Variants in ZDHHC11 observed in about 807,000 individuals in gnomAD.
ZDHHC11 encodes zDHHC palmitoyltransferase 11.
Under a neutral mutation model 51.3 loss-of-function variants are expected in ZDHHC11, and 44 were observed. The ratio of observed to expected loss-of-function variants is 0.86; its 90% CI spans 0.67 to 1.10. ZDHHC11 has a LOEUF of 1.10. Ranked by LOEUF, ZDHHC11 falls within the 50% of genes least tolerant of loss-of-function variation. ZDHHC11 has a pLI of 0.00. For missense variants in ZDHHC11, 400 were observed against 537.7 expected (o/e 0.74, Z 2.53); for synonymous variants, 163 against 222.0 (o/e 0.73, Z 2.36).
chr5:837,556 A>G lies in ZDHHC11; in HGVS notation c.785-76T>C, dbSNP rs1440801225. On this transcript the variant is annotated intron_variant, in intron 5 of 12. Transcript: ENST00000283441. ...CACGGCGCCCACAGGACAGCTCAGC[A>G]GAGTGGCCAGTGCCACTGATCCGGC... The G allele has an allele frequency of 4.0e-6, 6 of 1,497,988 alleles. No homozygotes were observed. The Middle Eastern group carries it at 5.1e-4, about 126-fold the overall frequency. 92.8% of individuals were successfully genotyped at this position (1,497,988 alleles called of 1,614,324 possible).
chr5:825,499 T>G, intron 7 of ZDHHC11, among the ~76,000 whole-genome samples: 1 of 152,224 alleles, frequency 6.6e-6, no homozygotes, highest in East Asian at 1.9e-4. Context: ...AAGCAGTCCC[T>G]CCACCCACCG....
upstream of ZDHHC11, among the ~76,000 whole-genome samples, chr5:860,421 G>A (rs997793735): frequency 1.3e-5 from 2 of 152,190 alleles, no homozygotes; most frequent in African/African-American, 4.8e-5. This position sits in a 1 kb window ranked among gnomAD's most constrained non-coding sequence, Gnocchi z 4.2. Context: ...CCTGACACCT[G>A]CAGGTATTGT....
Position 842,775 on chromosome 5 carries a change from T to C in ZDHHC11, c.628+825A>G, listed in dbSNP as rs1745230462. ...GCTCTGACGTCCAGCTGCAGGACAG[T>C]TGGGCACGCTGCCTCCGCAGGGTCC... On this transcript the variant is annotated intron_variant, in intron 4 of 12. Coordinates refer to ENST00000283441, the MANE Select transcript of ZDHHC11 (RefSeq NM_024786.3). 1.4e-5 allele frequency: 12 copies of C among 865,876 alleles called. No homozygotes were observed. The South Asian group carries it at 4.2e-4, about 30-fold the overall frequency. The allele number at this position is 865,876 out of a possible 1,614,324, so 53.6% of individuals were successfully genotyped here. A position where few individuals can be genotyped will look rare whatever the true frequency, so the allele number is the denominator to read the frequency against.
chr5:814,839 CTTG>C, intron 10 of ZDHHC11, 44 bp from the exon 11 acceptor site: 1 of 1,489,818 alleles, frequency 6.7e-7, no homozygotes, highest in Non-Finnish European at 9.0e-7. Context: ...GAACAAAGAC[CTTG>C]TTGACATTAA....
intron 7 of ZDHHC11, among the ~76,000 whole-genome samples, chr5:828,869 T>C (rs2059297588): frequency 5.8e-5 from 8 of 136,972 alleles, no homozygotes; most frequent in Admixed American, 4.4e-4. Context: ...TACACAAATA[T>C]GTAGAAATTA....
Position 802,012 on chromosome 5 carries a change from G to A in ZDHHC11, c.1182-848C>T, listed in dbSNP as rs1266236704. 7.9e-5 allele frequency among the ~76,000 whole-genome samples: 12 copies of A among 151,530 alleles called. 1 individual carries two copies. The highest frequency in any genetic ancestry group is 1.3e-4 in the Admixed American group (2 of 15,246). ...GATCAGAAATGATGACTCCTAGAAG[G>A]AAAGGATGCAAATGGGAGCTGATGC... On this transcript the variant is annotated intron_variant, in intron 11 of 12. Transcript: ENST00000283441.
At chr5:801,066 A>G in intron 12 of ZDHHC11, 34 bp downstream of exon 12, 4 of 1,608,534 alleles carry the variant, frequency 2.5e-6, no homozygotes, top group Non-Finnish European at 3.4e-6. Context: ...ACTTGGGTAG[A>G]TTTCAACATG....
chr5:853,249 G>A (rs1747570288), upstream of ZDHHC11, among the ~76,000 whole-genome samples: 3 of 146,710 alleles, frequency 2.0e-5, no homozygotes, highest in South Asian at 6.5e-4. Context: ...ACGGAGGACA[G>A]TGAGCAGCGG....
At chr5:838,602 CG>C (rs1195920461) in intron 5 of ZDHHC11, among the ~76,000 whole-genome samples, 26 of 152,118 alleles carry the variant, frequency 1.7e-4, no homozygotes, top group Admixed American at 3.3e-4. Context: ...CTCTGGGTCA[CG>C]GGGGTGGGGA....
chr5:828,027 C>G (rs1229776298), intron 7 of ZDHHC11, among the ~76,000 whole-genome samples: 1 of 151,284 alleles, frequency 6.6e-6, no homozygotes, highest in Non-Finnish European at 1.5e-5. Context: ...GTGGACACAG[C>G]ACATGTTTCA....
chr5:851,352 T>G (rs1180671465), upstream of ZDHHC11, among the ~76,000 whole-genome samples: 6 of 91,276 alleles, frequency 6.6e-5, no homozygotes, highest in East Asian at 3.2e-4. Flanking sequence ...GCGGCAGGGG[T>G]GGGAGGGACG....
At chr5:851,437 G>A (rs904520748), upstream of ZDHHC11, among the ~76,000 whole-genome samples, 2 of 152,140 alleles carry the variant, frequency 1.3e-5, no homozygotes, top group East Asian at 1.9e-4. Context: ...GGGGCTGGGC[G>A]GTCTCTACAG....
Position 829,824 on chromosome 5 carries a change from G to A in ZDHHC11, c.935+3949C>T, listed in dbSNP as rs939949107. 1.6e-4 allele frequency among the ~76,000 whole-genome samples: 24 copies of A among 151,554 alleles called. 2 individuals are homozygous for A. The highest frequency in any genetic ancestry group is 5.4e-4 in the African/African-American group (22 of 41,106). ...AGTGGGTTTCATACCACGTATGCAG[G>A]AATGGTTTAATATATGCAAGTCAAT... On this transcript the variant is annotated intron_variant, in intron 7 of 12. Transcript: ENST00000283441.
rs1561309283 is a variant in ZDHHC11 at position 850,884 on chromosome 5, C to CCTGG, written c.-283_-282insCCAG. 5 of 487,664 alleles carry CCTGG rather than the reference C, an allele frequency of 1.0e-5. No individual in the cohort carries two copies. The highest frequency in any genetic ancestry group is 6.9e-6 in the Non-Finnish European group (2 of 289,596). 30.2% of individuals were successfully genotyped at this position (487,664 alleles called of 1,614,324 possible). ...AAACGGCTCTCCAGGGTGTGGAGGA[C>CCTGG]CCAGTGCCCGCGCGACCGCCCATCA... On this transcript the variant is annotated 5_prime_UTR_variant, in exon 1 of 13. It removes the in-frame stop codon of an upstream open reading frame in the 5' UTR. Transcript: ENST00000283441.
chr5:856,948 T>C (rs1432049659), intron 1 of ZDHHC11, among the ~76,000 whole-genome samples: 4 of 140,790 alleles, frequency 2.8e-5, no homozygotes, highest in Non-Finnish European at 4.7e-5. Flanking sequence ...AGCACACCCA[T>C]TTGCACTACA....
upstream of ZDHHC11, among the ~76,000 whole-genome samples, chr5:852,977 C>T (rs1198706492): frequency 2.0e-5 from 3 of 146,618 alleles, no homozygotes; most frequent in African/African-American, 7.6e-5. Flanking sequence ...AGGGAAAGAC[C>T]CCACGGAGGA....
chr5:823,000 G>A (rs1741759962), intron 8 of ZDHHC11, among the ~76,000 whole-genome samples: 1 of 149,552 alleles, frequency 6.7e-6, no homozygotes, highest in African/African-American at 2.5e-5. Flanking sequence ...GAGCTGTTGT[G>A]TATTTTTGAG....
chr5:806,007 A>G (rs142291125), intron 11 of ZDHHC11, among the ~76,000 whole-genome samples: 1,789 of 151,182 alleles, frequency 0.012, 64 homozygotes, highest in African/African-American at 0.041. Flanking sequence ...ACAGGAGATA[A>G]GAAGGGTCTG....
intron 7 of ZDHHC11, among the ~76,000 whole-genome samples, chr5:831,300 C>T (rs1743047058): frequency 6.7e-6 from 1 of 149,284 alleles, no homozygotes; most frequent in African/African-American, 2.5e-5. Context: ...AACAAATCAT[C>T]CAATTGGGTG....
Sources: allele counts gnomAD v4.1 joint callset (sites outside exome capture counted in the v4.1 genomes callset), GRCh38; gene constraint gnomAD v4.1.1; non-coding constraint Gnocchi (gnomAD v3.1); transcripts MANE v1.5; gene names NCBI Gene and HGNC (gene_info 2026-07-23, HGNC 2026-07-21).